EXOC5: variants seen among roughly 807,000 people sequenced by gnomAD.
EXOC5 encodes exocyst complex component 5.
A neutral mutation model predicts 90.8 loss-of-function variants in EXOC5; 17 were observed. The ratio of observed to expected loss-of-function variants is 0.19; its 90% CI spans 0.13 to 0.28. The LOEUF is 0.28. EXOC5 is among the 10% of genes least tolerant of loss of function. The probability of loss-of-function intolerance (pLI) is 1.00; values close to 1 mark genes in which losing one functional copy is unlikely to be tolerated. For missense variants in EXOC5, 569 were observed against 830.6 expected (o/e 0.69, Z 3.87); for synonymous variants, 260 against 270.0 (o/e 0.96, Z 0.36).
chr14:57,265,922 C>A (rs1271756440), intron 1 of EXOC5, among the ~76,000 whole-genome samples: 1 of 152,196 alleles, frequency 6.6e-6, no homozygotes, highest in Non-Finnish European at 1.5e-5. Flanking sequence ...CCAGGATATA[C>A]ACTATTACAA....
At position 57,213,299 on chromosome 14, in the gene EXOC5, G is replaced by A. The variant is rs80350557; in HGVS notation, c.1614-3238C>T. Among the ~76,000 whole-genome samples the A allele has an allele frequency of 7.1e-3, 1,071 of 151,050 alleles. 8 individuals carry two copies. Among genetic ancestry groups the A allele is most frequent in the Non-Finnish European group, 0.011 (740 of 67,994 alleles). On this transcript the variant is annotated intron_variant, in intron 15 of 17. Coordinates refer to ENST00000621441, the MANE Select transcript of EXOC5 (RefSeq NM_006544.4). ...CAAGAAGCTGAGGTGGGAGGACTGT[G>A]TGAACCCAGGAGTTCAAAGTTGCAG...
intron 10 of EXOC5, 114 bp downstream of exon 10, chr14:57,232,553 C>T (rs1594662963): frequency 3.7e-6 from 2 of 542,186 alleles, no homozygotes; most frequent in African/African-American, 1.9e-5. Flanking sequence ...GCATTTAATG[C>T]TAAAAGGTAA....
In EXOC5 at chr14:57,207,607, C is replaced by A. The variant is rs1237556848; in HGVS notation, c.*1002G>T. On this transcript the variant is annotated 3_prime_UTR_variant, in exon 18 of 18. Transcript: ENST00000621441. Reference sequence around the variant, plus strand: ...AGCAAACAGCCTTTGCAAAGCTCATCTCCAAATCTATCAATTCTCAATTCT... The same window carrying A: ...AGCAAACAGCCTTTGCAAAGCTCATATCCAAATCTATCAATTCTCAATTCT... 1 of 152,066 alleles carries A rather than the reference C, an allele frequency of 6.6e-6. No individual in the cohort carries two copies. Among genetic ancestry groups the A allele is most frequent in the African/African-American group, 2.4e-5 (1 of 41,436 alleles). The allele number at this position is 152,066 out of a possible 1,614,324, so 9.4% of individuals were successfully genotyped here. A position where few individuals can be genotyped will look rare whatever the true frequency, so the allele number is the denominator to read the frequency against.
intron 14 of EXOC5, among the ~76,000 whole-genome samples, chr14:57,218,587 G>A (rs1158160199): frequency 6.6e-5 from 10 of 151,890 alleles, no homozygotes; most frequent in Admixed American, 6.6e-4. Context: ...TAAGAAATAG[G>A]CAACCCTAAT....
chr14:57,240,571 C>T (rs1033608356), intron 4 of EXOC5, among the ~76,000 whole-genome samples: 2 of 151,964 alleles, frequency 1.3e-5, no homozygotes, highest in African/African-American at 2.4e-5. Context: ...CGTGAGCCAC[C>T]GAGCCCAGCC....
At chr14:57,242,058 A>G (rs1293330078) in intron 4 of EXOC5, among the ~76,000 whole-genome samples, 2 of 148,476 alleles carry the variant, frequency 1.3e-5, no homozygotes, top group East Asian at 2.2e-4. Context: ...GCATGAACCC[A>G]GGAGGCGGAG....
intron 15 of EXOC5, among the ~76,000 whole-genome samples, chr14:57,211,876 T>A (rs536458467): frequency 1.3e-5 from 2 of 151,892 alleles, no homozygotes; most frequent in South Asian, 4.2e-4. Context: ...AAAAAAAAAG[T>A]GTTCTGAGAC....
At chr14:57,247,518 C>T in intron 2 of EXOC5, 100 bp downstream of exon 2, 1 of 501,478 alleles carries the variant, frequency 2.0e-6, no homozygotes, top group Non-Finnish European at 3.5e-6. Context: ...AACTAAAATC[C>T]TTGTAGAGGA....
Position 57,233,453 on chromosome 14 carries a change from A to G in EXOC5, c.855+290T>C, listed in dbSNP as rs147274651. On this transcript the variant is annotated intron_variant, in intron 9 of 17. Coordinates refer to ENST00000621441, the MANE Select transcript of EXOC5 (RefSeq NM_006544.4). ...CATCTATTGGTGAAGGCAGGGACCA[A>G]AAAAAAAGAAAAATCTTCAAGGCTA... Among the ~76,000 whole-genome samples the G allele has an allele frequency of 2.7e-3, 416 of 151,758 alleles. 2 individuals are homozygous for G. The highest frequency in any genetic ancestry group is 9.3e-3 in the African/African-American group (386 of 41,452).
At chr14:57,259,866 C>G (rs1447408833) in intron 1 of EXOC5, among the ~76,000 whole-genome samples, 1 of 152,146 alleles carries the variant, frequency 6.6e-6, no homozygotes, top group Non-Finnish European at 1.5e-5. Context: ...CTGTAGTCAA[C>G]AGAACAATGC....
chr14:57,206,254 G>T lies in EXOC5; in HGVS notation c.*2355C>A, dbSNP rs45586331. On this transcript the variant is annotated 3_prime_UTR_variant, in exon 18 of 18. Transcript: ENST00000621441. ...CCTAAAATTTTACCATGTGCAAAAC[G>T]AAAAACATTTTAGTTATTGATCATC... The T allele has an allele frequency of 4.5e-3, 1,076 of 240,186 alleles. 6 individuals are homozygous for T. Among genetic ancestry groups the T allele is most frequent in the South Asian group, 0.01 (192 of 18,860 alleles). 14.9% of individuals were successfully genotyped at this position (240,186 alleles called of 1,614,324 possible).
At chr14:57,226,697 T>C (rs767703010) in intron 12 of EXOC5, among the ~76,000 whole-genome samples, 9 of 152,288 alleles carry the variant, frequency 5.9e-5, no homozygotes, top group African/African-American at 1.7e-4. Flanking sequence ...AAATGGTCCA[T>C]TGATTTTTGA....
At chr14:57,217,907 A>G (rs1055092045) in intron 15 of EXOC5, 75 bp downstream of exon 15, 8 of 762,012 alleles carry the variant, frequency 1.0e-5, no homozygotes, top group African/African-American at 8.8e-5. Flanking sequence ...TCTTCTCTAC[A>G]AAGTATTTTC....
chr14:57,232,590 C>T (rs1883519223), intron 10 of EXOC5, 77 bp downstream of exon 10: 8 of 617,286 alleles, frequency 1.3e-5, no homozygotes, highest in Non-Finnish European at 2.2e-5. Context: ...TTCAAAAATA[C>T]CTGAATACTT....
At chr14:57,262,644 A>G (rs1884541804) in intron 1 of EXOC5, among the ~76,000 whole-genome samples, 1 of 145,062 alleles carries the variant, frequency 6.9e-6, no homozygotes, top group African/African-American at 2.6e-5. Flanking sequence ...TTAAGTATAT[A>G]TACATATATA....
intron 7 of EXOC5, 51 bp from the exon 8 acceptor site, chr14:57,234,083 T>C: frequency 7.4e-7 from 1 of 1,356,232 alleles, no homozygotes; most frequent in East Asian, 2.3e-5. Context: ...ATAATAATTA[T>C]TATTTCAAAA....
intron 12 of EXOC5, among the ~76,000 whole-genome samples, chr14:57,228,777 G>A (rs1226834353): frequency 6.7e-6 from 1 of 148,190 alleles, no homozygotes; most frequent in Non-Finnish European, 1.5e-5. Context: ...GATGGGTGCA[G>A]CAAACCACCA....
At chr14:57,244,044 CT>C in intron 4 of EXOC5, 120 bp downstream of exon 4, 1 of 653,710 alleles carries the variant, frequency 1.5e-6, no homozygotes, top group Admixed American at 2.9e-5. Context: ...ACAATAAAAA[CT>C]TTTAATAAGT....
chr14:57,211,643 T>G (rs903573647), intron 15 of EXOC5: 7 of 152,158 alleles, frequency 4.6e-5, no homozygotes, highest in African/African-American at 1.7e-4. Flanking sequence ...GAGGCCGAGG[T>G]GGGAGGATCA....
Sources: allele counts gnomAD v4.1 joint callset (sites outside exome capture counted in the v4.1 genomes callset), GRCh38; gene constraint gnomAD v4.1.1; transcripts MANE v1.5; gene names NCBI Gene and HGNC (gene_info 2026-07-23, HGNC 2026-07-21).